The following RHPN1 variants were observed in gnomAD, a reference collection of about 807,000 sequenced individuals.
The protein encoded by RHPN1 is rhophilin-1.
Under a neutral mutation model 74.7 loss-of-function variants are expected in RHPN1, and 77 were observed. That is an observed-to-expected ratio of 1.03 (90% confidence interval 0.86 to 1.25). The LOEUF (loss-of-function observed/expected upper bound fraction) is 1.25, where lower values mean the gene tolerates loss of function less well. Ranked by LOEUF, RHPN1 falls within the 50% of genes most tolerant of loss-of-function variation. RHPN1 has a pLI of 0.00. For synonymous variants in RHPN1, 444 were observed against 414.5 expected, an observed-to-expected ratio of 1.07 and a Z score of -0.87; for missense variants, 987 against 932.2, an observed-to-expected ratio of 1.06 and a Z score of -0.77.
upstream of RHPN1, among the ~76,000 whole-genome samples, chr8:143,366,120 G>A (rs1393571366): frequency 2.8e-5 from 4 of 140,402 alleles, 1 homozygote; most frequent in South Asian, 1.1e-3. Flanking sequence ...GCAACAGGGC[G>A]AAACCCTGTC....
chr8:143,370,951 C>T (rs541699300), intron 1 of RHPN1, among the ~76,000 whole-genome samples: 6 of 152,312 alleles, frequency 3.9e-5, no homozygotes, highest in Non-Finnish European at 7.4e-5. Flanking sequence ...CTGTGCCCCC[C>T]TCACCTGGTC....
At chr8:143,370,851 G>C (rs1262499565) in intron 1 of RHPN1, among the ~76,000 whole-genome samples, 3 of 152,242 alleles carry the variant, frequency 2.0e-5, no homozygotes, top group African/African-American at 7.2e-5. Flanking sequence ...GCTGTATGCA[G>C]AAGGTTCTGT....
chr8:143,370,315 G>A (rs1183118471), intron 1 of RHPN1, among the ~76,000 whole-genome samples: 2 of 152,220 alleles, frequency 1.3e-5, no homozygotes, highest in Non-Finnish European at 2.9e-5. Flanking sequence ...CCACAGTCAG[G>A]GTACTGGGGA....
rs1483891833 is a variant in RHPN1 at position 143,381,978 on chromosome 8, TG to T, written c.1797+14del. On this transcript the variant is annotated intron_variant, in intron 14 of 14. Coordinates refer to ENST00000289013, the MANE Select transcript of RHPN1 (RefSeq NM_052924.3). ...TAGACTGCCCAGCTTGGTGAGCCCC[TG>T]GGGCCCCAGAGGGGCGGTCCCCAGC... 6.4e-7 allele frequency: 1 copy of T among 1,570,184 alleles called. No homozygotes were observed. The highest frequency in any genetic ancestry group is 8.6e-7 in the Non-Finnish European group (1 of 1,157,598).
At chr8:143,378,236 G>C (rs200999511) in intron 4 of RHPN1, 33 bp from the exon 5 acceptor site, 8 of 1,534,550 alleles carry the variant, frequency 5.2e-6, no homozygotes, top group Non-Finnish European at 7.1e-6. Flanking sequence ...AGGCACAGGG[G>C]TACTGTGGAT....
In RHPN1 at chr8:143,382,702, C is replaced by T. The variant is rs1818828734; in HGVS notation, c.*51C>T. 1 of 1,475,180 alleles carries T rather than the reference C, an allele frequency of 6.8e-7. No homozygotes were observed. Among genetic ancestry groups the T allele is most frequent in the South Asian group, 1.2e-5 (1 of 83,272 alleles). The allele number at this position is 1,475,180 out of a possible 1,614,324, so 91.4% of individuals were successfully genotyped here. On this transcript the variant is annotated 3_prime_UTR_variant, in exon 15 of 15. Transcript: ENST00000289013. The stretch of plus-strand genomic sequence containing the variant: ...CCCTGGCTCCAGCTGGCAGCAAGCA[C>T]CGAGCATGCCCTCCCCACCCAGAGG...
chr8:143,372,524 G>A (rs1354357101), intron 1 of RHPN1, among the ~76,000 whole-genome samples: 4 of 152,064 alleles, frequency 2.6e-5, no homozygotes, highest in Admixed American at 1.3e-4. Context: ...CGGGGGCAGG[G>A]CTGGGCTGGG....
At chr8:143,369,362 C>T (rs1817678497) in intron 1 of RHPN1, among the ~76,000 whole-genome samples, 1 of 152,192 alleles carries the variant, frequency 6.6e-6, no homozygotes, top group African/African-American at 2.4e-5. Context: ...GCGCCCTCCC[C>T]ACACCCGCCA....
rs1344000970 is a variant in RHPN1, at chr8:143,382,848, A to G, written c.*197A>G. 1.7e-6 allele frequency: 1 copy of G among 592,174 alleles called. No individual in the cohort carries two copies. The highest frequency in any genetic ancestry group is 3.0e-6 in the Non-Finnish European group (1 of 333,084). The allele number at this position is 592,174 out of a possible 1,614,324, so 36.7% of individuals were successfully genotyped here. A position where few individuals can be genotyped will look rare whatever the true frequency, so the allele number is the denominator to read the frequency against. ...TGGGAGCTGTGGCCTCTTCACCCAC[A>G]CACAGAAGGATGCCAGTCCCTCTGT... On this transcript the variant is annotated 3_prime_UTR_variant, in exon 15 of 15. Coordinates refer to ENST00000289013, the MANE Select transcript of RHPN1 (RefSeq NM_052924.3).
chr8:143,377,036 G>C (rs887288697), intron 3 of RHPN1, among the ~76,000 whole-genome samples: 1 of 72,902 alleles, frequency 1.4e-5, no homozygotes, highest in African/African-American at 3.4e-5. Flanking sequence ...GTGTATGCAC[G>C]TGTGTCTGTG....
In RHPN1 at chr8:143,381,865, G is replaced by C. The variant is rs1334899017; in HGVS notation, c.1694G>C (p.Trp565Ser). 14 of 1,612,954 alleles carry C rather than the reference G, an allele frequency of 8.7e-6. No individual in the cohort carries two copies. The highest frequency in any genetic ancestry group is 4.0e-5 in the African/African-American group (3 of 74,936). ...TCAGTGAATGGGCAGCCATGCAGGT[G>C]GTGGAGACACGCGGAGGTGGTGACG... ...IVSVNGQPCR[W>S]WRHAEVVTEL... Residue 565 changes from tryptophan to serine, a missense_variant, in exon 14 of 15, where the codon TGG (tryptophan) becomes TCG (serine). Transcript: ENST00000289013.
rs1202037349 is a variant in RHPN1 at position 143,379,057 on chromosome 8, G to T, written c.730G>T (p.Glu244Ter). The T allele has an allele frequency of 6.5e-7, 1 of 1,532,524 alleles. No individual in the cohort carries two copies. Among genetic ancestry groups the T allele is most frequent in the South Asian group, 1.2e-5 (1 of 82,538 alleles). 94.9% of individuals were successfully genotyped at this position (1,532,524 alleles called of 1,614,324 possible). ...SCTEGARRAM[E>*]AFQRAAGAFS... Reference sequence around the variant, plus strand: ...CACCGAGGGTGCCCGCCGCGCTATGGAGGCCTTCCAGAGGGCCGCTGGTGA... The same window carrying T: ...CACCGAGGGTGCCCGCCGCGCTATGTAGGCCTTCCAGAGGGCCGCTGGTGA... Residue 244 changes from glutamate to a stop codon, truncating the protein, a stop_gained, in exon 7 of 15, where the codon GAG becomes TAG. Transcript: ENST00000289013. LOFTEE classifies it high-confidence loss of function.
chr8:143,382,341 GCCCCTCCCAGGTGGTTCTCA>G, intron 14 of RHPN1, 75 bp from the exon 15 acceptor site: 1 of 1,112,218 alleles, frequency 9.0e-7, no homozygotes, highest in Non-Finnish European at 1.3e-6. Context: ...CGACGTGCCA[GCCCCTCCCAGGTGGTTCTCA>G]CCCCTCCCAG....
intron 2 of RHPN1, 134 bp from the exon 3 acceptor site, chr8:143,376,391 A>C: frequency 7.6e-7 from 1 of 1,322,276 alleles, no homozygotes; most frequent in South Asian, 1.4e-5. Flanking sequence ...CATGGGGGGC[A>C]GACCCTGTCA....
Position 143,382,083 on chromosome 8 carries a change from C to T in RHPN1, c.1797+115C>T, listed in dbSNP as rs149522294. 35 of 1,108,196 alleles carry T rather than the reference C, an allele frequency of 3.2e-5. 1 individual carries two copies. The highest frequency in any genetic ancestry group is 2.6e-4 in the East Asian group (10 of 38,582). 68.6% of individuals were successfully genotyped at this position (1,108,196 alleles called of 1,614,324 possible). ...GAAGGGGAGGTGGGGCTGCAGGTAA[C>T]CCTCCCTGGGCCGCCTCCTGGGCAG... On this transcript the variant is annotated intron_variant, in intron 14 of 14. Transcript: ENST00000289013.
chr8:143,371,024 G>A (rs978042066), intron 1 of RHPN1, among the ~76,000 whole-genome samples: 1 of 152,280 alleles, frequency 6.6e-6, no homozygotes, highest in East Asian at 1.9e-4. Flanking sequence ...GCACCCTCTG[G>A]GTGCTGGTTA....
At chr8:143,366,248 C>CT (rs1817554318), upstream of RHPN1, among the ~76,000 whole-genome samples, 1 of 152,176 alleles carries the variant, frequency 6.6e-6, no homozygotes, top group African/African-American at 2.4e-5. Context: ...CCTCCCGCCG[C>CT]TGTCCAGTTC....
At chr8:143,381,172 C>A (rs1818696868) in intron 11 of RHPN1, 96 bp from the exon 12 acceptor site, 1 of 1,033,228 alleles carries the variant, frequency 9.7e-7, no homozygotes, top group Non-Finnish European at 1.4e-6. Flanking sequence ...AGAAGCGGGG[C>A]CTGTGTGCAC....
intron 7 of RHPN1, 94 bp from the exon 8 acceptor site, chr8:143,379,221 C>G: frequency 7.1e-7 from 1 of 1,410,508 alleles, no homozygotes; most frequent in Non-Finnish European, 9.4e-7. Flanking sequence ...ATATGTGTCC[C>G]AGGAGCATCC....
Sources: gnomAD v4.1 joint callset for allele counts (sites outside exome capture counted in the v4.1 genomes callset) on GRCh38, gnomAD v4.1.1 for gene constraint, MANE v1.5 for transcripts, NCBI Gene and HGNC (gene_info 2026-07-23, HGNC 2026-07-21) for gene names.